CEP128: variants seen among roughly 807,000 people sequenced by gnomAD.
CEP128 encodes centrosomal protein 128kDa.
A neutral mutation model predicts 156.7 loss-of-function variants in CEP128; 132 were observed. The observed-to-expected ratio is 0.84, with a 90% CI of 0.73 to 0.97. The LOEUF (loss-of-function observed/expected upper bound fraction) is 0.97, where lower values mean the gene tolerates loss of function less well. Among genes scored for constraint, CEP128 ranks in the 50% least tolerant of loss-of-function variants. The pLI is 0.00. For synonymous variants in CEP128, 469 were observed against 448.9 expected (o/e 1.04, Z -0.57); for missense variants, 1,252 against 1,281.9 (o/e 0.98, Z 0.36).
intron 19 of CEP128, among the ~76,000 whole-genome samples, chr14:80,590,242 T>A (rs1260685475): frequency 6.6e-6 from 1 of 152,142 alleles, no homozygotes; most frequent in African/African-American, 2.4e-5. Flanking sequence ...GACGTAACTC[T>A]TGGATTGAAG....
chr14:80,904,750 C>G (rs1883783910), intron 6 of CEP128, 63 bp downstream of exon 6: 1 of 915,514 alleles, frequency 1.1e-6, no homozygotes, highest in Admixed American at 1.7e-5. Context: ...AAGCATTAGT[C>G]ATTTATATAC....
At chr14:80,552,262 T>C (rs8005242) in intron 21 of CEP128, among the ~76,000 whole-genome samples, 48,534 of 151,008 alleles carry the variant, frequency 0.32, 10,465 homozygotes, top group African/African-American at 0.61. Flanking sequence ...TGAGCTGAGA[T>C]GGCGCTACTG....
Position 80,740,948 on chromosome 14 carries a change from G to C in CEP128, c.2806+2127C>G, listed in dbSNP as rs551399529. Among the ~76,000 whole-genome samples, 53 of 152,184 alleles carry C rather than the reference G, an allele frequency of 3.5e-4. 1 individual carries two copies. In the South Asian group the frequency reaches 9.8e-3, roughly 28 times the overall value. On this transcript the variant is annotated intron_variant, in intron 19 of 24. Coordinates refer to ENST00000555265, the MANE Select transcript of CEP128 (RefSeq NM_152446.5). ...GGTCCCACCTAATAAAACAAATCCA[G>C]AAGAGTATAGCACCTACCCCAAACT...
At chr14:80,723,970 C>A (rs886806953) in intron 19 of CEP128, among the ~76,000 whole-genome samples, 1 of 152,076 alleles carries the variant, frequency 6.6e-6, no homozygotes, top group African/African-American at 2.4e-5. Flanking sequence ...AAAACAGAAC[C>A]CAGAGGGGTT....
chr14:80,925,832 G>A (rs1049790479), intron 2 of CEP128, among the ~76,000 whole-genome samples: 2 of 152,130 alleles, frequency 1.3e-5, no homozygotes, highest in Admixed American at 1.3e-4. Flanking sequence ...GGGGAGGAGA[G>A]ACTGCCTCCA....
At chr14:80,831,976 T>C (rs1297925162) in intron 12 of CEP128, among the ~76,000 whole-genome samples, 1 of 152,160 alleles carries the variant, frequency 6.6e-6, no homozygotes, top group Non-Finnish European at 1.5e-5. Flanking sequence ...AATTCCCACA[T>C]GTTGTGGGAG....
intron 18 of CEP128, among the ~76,000 whole-genome samples, chr14:80,746,376 G>A (rs1185285318): frequency 2.0e-5 from 3 of 152,120 alleles, no homozygotes; most frequent in Non-Finnish European, 4.4e-5. Flanking sequence ...GTGTGGTATT[G>A]GCATAAGGAC....
chr14:80,478,814 A>G, intron 14 of CEP128, among the ~76,000 whole-genome samples: 1 of 152,260 alleles, frequency 6.6e-6, no homozygotes, highest in Non-Finnish European at 1.5e-5. Flanking sequence ...CTTTCTATGT[A>G]TCTGAACTGG....
intron 13 of CEP128, among the ~76,000 whole-genome samples, chr14:80,810,642 T>C (rs190238409): frequency 2.6e-5 from 4 of 152,298 alleles, no homozygotes; most frequent in African/African-American, 9.6e-5. Context: ...CAGAGTAATG[T>C]TGGTCTTGTA....
chr14:80,637,708 T>C (rs1894244823), intron 19 of CEP128, among the ~76,000 whole-genome samples: 1 of 151,792 alleles, frequency 6.6e-6, no homozygotes, highest in Admixed American at 6.5e-5. Flanking sequence ...TGTTATCCTA[T>C]CAGTAACATC....
intron 19 of CEP128, among the ~76,000 whole-genome samples, chr14:80,714,333 C>T (rs150806464): frequency 6.6e-6 from 1 of 152,128 alleles, no homozygotes; most frequent in East Asian, 1.9e-4. Context: ...CATACACACA[C>T]ACTTAAGGCT....
intron 19 of CEP128, among the ~76,000 whole-genome samples, chr14:80,593,286 C>T (rs1022050407): frequency 3.9e-5 from 6 of 152,152 alleles, no homozygotes; most frequent in Non-Finnish European, 8.8e-5. Context: ...GTGGCTCACA[C>T]CTGTAATCCC....
At chr14:80,879,468 T>C (rs548341559) in intron 8 of CEP128, among the ~76,000 whole-genome samples, 1 of 152,116 alleles carries the variant, frequency 6.6e-6, no homozygotes, top group African/African-American at 2.4e-5. Flanking sequence ...ACTCATGATC[T>C]GAATGAGAAA....
At chr14:80,679,634 T>C (rs1465648475) in intron 19 of CEP128, among the ~76,000 whole-genome samples, 1 of 152,186 alleles carries the variant, frequency 6.6e-6, no homozygotes, top group Non-Finnish European at 1.5e-5. Flanking sequence ...CATAGACCCT[T>C]ATCAGGAGTT....
intron 20 of CEP128, among the ~76,000 whole-genome samples, chr14:80,560,347 C>G (rs573488595): frequency 2.0e-5 from 3 of 152,142 alleles, no homozygotes; most frequent in Admixed American, 6.5e-5. Flanking sequence ...ATCACTTGAA[C>G]CCAGGAATCA....
intron 2 of CEP128, chr14:80,956,082 A>G (rs572491790): frequency 1.6e-6 from 1 of 612,418 alleles, no homozygotes; most frequent in African/African-American, 1.8e-5. Flanking sequence ...AAATGTTACA[A>G]AACTTTGGTG....
At chr14:80,578,851 A>C (rs886180813) in intron 20 of CEP128, among the ~76,000 whole-genome samples, 5 of 152,156 alleles carry the variant, frequency 3.3e-5, no homozygotes, top group African/African-American at 1.2e-4. Flanking sequence ...TGTTAATATC[A>C]GGCACTAGTT....
rs550500790 is a variant in CEP128, at chr14:80,958,697, A to G, written c.-279-412T>C. 3.3e-5 allele frequency among the ~76,000 whole-genome samples: 5 copies of G among 152,258 alleles called. 1 individual carries two copies. The highest frequency in any genetic ancestry group is 1.2e-4 in the African/African-American group (5 of 41,538). ...TTTCTAGACAAGAAAGATCTAAGTTATGGAAGGTATTCCTTGCTGAAATAA... is the reference window on the plus strand; with the variant it reads ...TTTCTAGACAAGAAAGATCTAAGTTGTGGAAGGTATTCCTTGCTGAAATAA... On this transcript the variant is annotated intron_variant, in intron 1 of 7. Coordinates refer to the CEP128 transcript ENST00000555529.
At chr14:80,582,596 T>C (rs1281722014) in intron 19 of CEP128, among the ~76,000 whole-genome samples, 4 of 151,842 alleles carry the variant, frequency 2.6e-5, no homozygotes, top group Admixed American at 6.6e-5. Context: ...TAGGGGAAAG[T>C]ATGGAGTACT....
Sources: allele counts gnomAD v4.1 joint callset (sites outside exome capture counted in the v4.1 genomes callset), GRCh38; gene constraint gnomAD v4.1.1; transcripts MANE v1.5; gene names NCBI Gene and HGNC (gene_info 2026-07-23, HGNC 2026-07-21).